KCNQ3: variants seen among roughly 807,000 people sequenced by gnomAD.
KCNQ3 encodes the protein potassium voltage-gated channel subfamily Q member 3.
A neutral mutation model predicts 92.5 loss-of-function variants in KCNQ3; 30 were observed. The ratio of observed to expected loss-of-function variants is 0.32; its 90% confidence interval spans 0.24 to 0.44. The LOEUF (loss-of-function observed/expected upper bound fraction) is 0.44, where lower values mean the gene tolerates loss of function less well. KCNQ3 is among the 20% of genes least tolerant of loss of function. The pLI is 1.00. For synonymous variants in KCNQ3, 450 were observed against 468.8 expected, an observed-to-expected ratio of 0.96 and a Z score of 0.52; for missense variants, 913 against 1,140.3, an observed-to-expected ratio of 0.80 and a Z score of 2.87.
intron 1 of KCNQ3, among the ~76,000 whole-genome samples, chr8:132,283,091 T>G (rs62520367): frequency 0.062 from 8,106 of 131,176 alleles, 237 homozygotes; most frequent in East Asian, 0.16. Context: ...TCTCTCTCTC[T>G]CGTGTGTGTG....
chr8:132,175,519 C>T lies in KCNQ3; in HGVS notation c.867G>A (p.Val289=), dbSNP rs570123407. 5.6e-6 allele frequency: 9 copies of T among 1,614,188 alleles called. No homozygotes were observed. In the African/African-American group the frequency reaches 6.7e-5, roughly 12 times the overall value. ...VYLVEKDVPE[V]DAQGEEMKEE... ...CTTTCATCTCCTCTCCTTGTGCATC[C>T]ACCTCTGGGACGTCTTTCTCAACCA... The change falls in exon 5 of 15, where the codon GTG becomes GTA. Residue 289 remains valine, a synonymous_variant. Transcript: ENST00000388996.
At chr8:132,404,309 G>T (rs2673562) in intron 1 of KCNQ3, among the ~76,000 whole-genome samples, 86,069 of 152,034 alleles carry the variant, frequency 0.57, 25,829 homozygotes, top group South Asian at 0.73. Context: ...GGGTTAAGAA[G>T]TTGGTTGGTC....
chr8:132,129,717 G>C lies in KCNQ3; in HGVS notation c.2164C>G (p.Arg722Gly). The change falls in exon 15 of 15, where the codon CGA becomes GGA. Residue 722 changes from arginine to glycine, a missense_variant. By Grantham distance (125) the Arg-to-Gly change is moderately radical (BLOSUM62 -2). This residue lies in a region of KCNQ3 where 375 missense variants were observed against 376.4 expected (regional missense o/e 1.00). Transcript: ENST00000388996. The surrounding 1 kb of genome is among the most constrained non-coding windows in gnomAD (Gnocchi z 5.9). ...FFAHDPVNLP[R>G]GGPSSGKVQA... ...ACCTTTCCAGAACTGGGTCCCCCTC[G>C]GGGCAGGTTCACAGGGTCATGTGCA... 6.2e-7 allele frequency: 1 copy of C among 1,614,148 alleles called. No homozygotes were observed. The highest frequency in any genetic ancestry group is 8.5e-7 in the Non-Finnish European group (1 of 1,180,028).
chr8:132,369,692 T>A (rs6471064), intron 1 of KCNQ3, among the ~76,000 whole-genome samples: 57,255 of 151,822 alleles, frequency 0.38, 12,125 homozygotes, highest in African/African-American at 0.57. Context: ...AAGATTCAGT[T>A]ACTCGTCCAT....
intron 1 of KCNQ3, among the ~76,000 whole-genome samples, chr8:132,461,455 C>T (rs747195650): frequency 6.6e-6 from 1 of 152,138 alleles, no homozygotes; most frequent in African/African-American, 2.4e-5. Context: ...ATCCTAGCTA[C>T]TCAGGAGGCT....
rs563101017 is a variant in KCNQ3 at position 132,145,612 on chromosome 8, G to A, written c.1263-4281C>T. Among the ~76,000 whole-genome samples, 12 of 152,336 alleles carry A rather than the reference G, an allele frequency of 7.9e-5. No homozygotes were observed. In the East Asian group the frequency reaches 2.1e-3, roughly 27 times the overall value. On this transcript the variant is annotated intron_variant, in intron 9 of 14. Coordinates refer to ENST00000388996, the MANE Select transcript of KCNQ3 (RefSeq NM_004519.4). The stretch of plus-strand genomic sequence containing the variant: ...AAACCAATGTGGTTTTCTGTCTCTA[G>A]TGAGCTTATGATAAAGTCGAGAAGA...
intron 1 of KCNQ3, among the ~76,000 whole-genome samples, chr8:132,401,733 C>T (rs910568989): frequency 4.6e-5 from 7 of 152,186 alleles, no homozygotes; most frequent in Non-Finnish European, 1.0e-4. Context: ...GAAAGAATCT[C>T]CTTTGACATA....
chr8:132,165,718 C>T (rs1004297882), intron 8 of KCNQ3, among the ~76,000 whole-genome samples: 1 of 152,204 alleles, frequency 6.6e-6, no homozygotes, highest in Non-Finnish European at 1.5e-5. Flanking sequence ...AGATACAATG[C>T]AAAATAAAAA....
At chr8:132,361,119 A>G (rs1028994669) in intron 1 of KCNQ3, among the ~76,000 whole-genome samples, 4 of 152,242 alleles carry the variant, frequency 2.6e-5, no homozygotes, top group South Asian at 2.1e-4. Context: ...GCTGAGGTAC[A>G]TATCAATGAG....
chr8:132,310,864 G>A (rs1817573755), intron 1 of KCNQ3, among the ~76,000 whole-genome samples: 1 of 152,032 alleles, frequency 6.6e-6, no homozygotes, highest in Non-Finnish European at 1.5e-5. Flanking sequence ...TGGGTTTGAG[G>A]AAAAATACTG....
intron 1 of KCNQ3, among the ~76,000 whole-genome samples, chr8:132,289,818 T>C (rs1816790775): frequency 6.6e-6 from 1 of 152,220 alleles, no homozygotes; most frequent in African/African-American, 2.4e-5. Context: ...CTCTTTTTTA[T>C]ATTACAGACT....
At chr8:132,231,011 A>T (rs971781405) in intron 1 of KCNQ3, among the ~76,000 whole-genome samples, 2 of 152,208 alleles carry the variant, frequency 1.3e-5, no homozygotes, top group Non-Finnish European at 2.9e-5. Flanking sequence ...TAAAAAGGGA[A>T]CATTTGGACA....
intron 1 of KCNQ3, among the ~76,000 whole-genome samples, chr8:132,444,655 G>A (rs374309719): frequency 2.6e-5 from 4 of 152,200 alleles, no homozygotes; most frequent in African/African-American, 9.7e-5. Flanking sequence ...ATGCTACGGG[G>A]AATGTGGTAT....
At chr8:132,227,439 GAC>G (rs1182178322) in intron 1 of KCNQ3, among the ~76,000 whole-genome samples, 1 of 152,142 alleles carries the variant, frequency 6.6e-6, no homozygotes, top group Non-Finnish European at 1.5e-5. Flanking sequence ...AGGGCATGAA[GAC>G]ACAGTGAGAA....
chr8:132,184,482 T>C (rs1826896644), intron 2 of KCNQ3, 115 bp from the exon 3 acceptor site: 1 of 1,035,480 alleles, frequency 9.7e-7, no homozygotes, highest in Admixed American at 1.9e-5. Flanking sequence ...GCTGGTTGTC[T>C]GGTTGGCAGG....
chr8:132,207,297 A>G (rs1586828915), intron 1 of KCNQ3, among the ~76,000 whole-genome samples: 1 of 152,170 alleles, frequency 6.6e-6, no homozygotes, highest in Non-Finnish European at 1.5e-5. Context: ...TTTCATCCCA[A>G]TTTCACCAGC....
chr8:132,413,892 G>T (rs981634398), intron 1 of KCNQ3, among the ~76,000 whole-genome samples: 3 of 152,128 alleles, frequency 2.0e-5, no homozygotes, highest in Admixed American at 2.0e-4. Flanking sequence ...TCACCCGCAC[G>T]CCCACCCATG....
intron 1 of KCNQ3, among the ~76,000 whole-genome samples, chr8:132,310,996 A>G (rs375405049): frequency 1.1e-4 from 17 of 149,160 alleles, no homozygotes; most frequent in African/African-American, 4.2e-4. Flanking sequence ...GCTGGAGTTC[A>G]GTGGCACGAT....
intron 1 of KCNQ3, among the ~76,000 whole-genome samples, chr8:132,364,740 C>T (rs1819269977): frequency 1.3e-5 from 2 of 148,836 alleles, no homozygotes; most frequent in South Asian, 4.3e-4. Context: ...GGATGGGTGG[C>T]TGGTTGGATG....
Sources: gnomAD v4.1 joint callset for allele counts (sites outside exome capture counted in the v4.1 genomes callset) on GRCh38, gnomAD v4.1.1 for gene constraint, gnomAD v4.1.1 regional missense constraint, Gnocchi (gnomAD v3.1) non-coding constraint, MANE v1.5 for transcripts, NCBI Gene and HGNC (gene_info 2026-07-23, HGNC 2026-07-21) for gene names.